HERC1: variants seen among roughly 807,000 people sequenced by gnomAD.
HERC1 encodes the protein probable E3 ubiquitin-protein ligase HERC1.
HERC1 carries 160 observed loss-of-function variants against 554.3 expected under a neutral mutation model. That is an observed-to-expected ratio of 0.29 (90% CI 0.25 to 0.33). The LOEUF is 0.33. Ranked by LOEUF, HERC1 falls within the 10% of genes least tolerant of loss-of-function variation. The probability of loss-of-function intolerance (pLI) is 1.00; values close to 1 mark genes in which losing one functional copy is unlikely to be tolerated. For synonymous variants in HERC1, 2,175 were observed against 2,131.7 expected, an observed-to-expected ratio of 1.02 and a Z score of -0.56; for missense variants, 4,919 against 5,918.5, an observed-to-expected ratio of 0.83 and a Z score of 5.54.
At chr15:63,828,937 A>G (rs2078032748) in intron 1 of HERC1, among the ~76,000 whole-genome samples, 1 of 152,226 alleles carries the variant, frequency 6.6e-6, no homozygotes, top group African/African-American at 2.4e-5. Context: ...ATTTTTCACT[A>G]GGGTACAGGT....
chr15:63,612,567 G>A lies in HERC1; in HGVS notation c.14095-11C>T, dbSNP rs2067645821. The A allele has an allele frequency of 5.0e-6, 8 of 1,608,842 alleles. No individual in the cohort carries two copies. Among genetic ancestry groups the A allele is most frequent in the Admixed American group, 3.3e-5 (2 of 59,832 alleles). ...TCGGACTGCAGCCACCTGCTCCCGG[G>A]AGAGGTTGCTCATTCAATGAGTGTG... On this transcript the variant is annotated splice_polypyrimidine_tract_variant and intron_variant, in intron 76 of 77. Transcript: ENST00000443617. This position sits in a 1 kb window ranked among gnomAD's most constrained non-coding sequence, Gnocchi z 5.0.
chr15:63,692,311 A>G lies in HERC1; in HGVS notation c.5830+100T>C. ...GAAAATAAGAAAGAAAAGCCTTCAA[A>G]TCAAGGTTACACATGGAGTGTTGCT... On this transcript the variant is annotated intron_variant, in intron 31 of 77. Coordinates refer to ENST00000443617, the MANE Select transcript of HERC1 (RefSeq NM_003922.4). The surrounding 1 kb of genome is among the most constrained non-coding windows in gnomAD (Gnocchi z 4.7). 1 of 872,810 alleles carries G rather than the reference A, an allele frequency of 1.1e-6. No individual in the cohort carries two copies. Among genetic ancestry groups the G allele is most frequent in the Non-Finnish European group, 1.7e-6 (1 of 601,146 alleles). The allele number at this position is 872,810 out of a possible 1,614,324, so 54.1% of individuals were successfully genotyped here.
rs202195874 is a variant in HERC1, at chr15:63,655,772, T to C, written c.10054A>G (p.Asn3352Asp). 307 of 1,565,902 alleles carry C rather than the reference T, an allele frequency of 2.0e-4. No individual in the cohort carries two copies. Among genetic ancestry groups the C allele is most frequent in the Middle Eastern group, 6.6e-4 (4 of 6,024 alleles). Residue 3352 changes from asparagine to aspartate, a missense_variant, in exon 50 of 78, where the codon AAC becomes GAC. Asn to Asp is a conservative substitution (Grantham distance 23, BLOSUM62 1). Coordinates refer to ENST00000443617, the MANE Select transcript of HERC1 (RefSeq NM_003922.4). The stretch of plus-strand genomic sequence containing the variant: ...TTTTCAACTTCTGACTTATCATAGT[T>C]AGGTCTTAGTTTGGCCCCTTTGTCT... ...LADKGAKLRP[N>D]YDKSEVEKKG...
intron 40 of HERC1, 119 bp from the exon 41 acceptor site, chr15:63,666,591 CAGA>C: frequency 1.6e-6 from 1 of 644,956 alleles, no homozygotes; most frequent in Non-Finnish European, 2.7e-6. Context: ...TTCCTCTACT[CAGA>C]ATATGTGGCT....
At chr15:63,642,450 G>A (rs1436101632) in intron 59 of HERC1, among the ~76,000 whole-genome samples, 2 of 152,042 alleles carry the variant, frequency 1.3e-5, no homozygotes, top group East Asian at 3.9e-4. Context: ...CAATTCTCCC[G>A]CCTCAGCCTT....
chr15:63,764,332 A>C (rs1385426213), intron 2 of HERC1, 141 bp from the exon 3 acceptor site: 1 of 607,800 alleles, frequency 1.6e-6, no homozygotes, highest in Non-Finnish European at 2.9e-6. Flanking sequence ...TCCTAACATT[A>C]GGTCATGAAA....
chr15:63,802,469 G>A (rs1291459343), intron 1 of HERC1, among the ~76,000 whole-genome samples: 3 of 152,050 alleles, frequency 2.0e-5, no homozygotes, highest in African/African-American at 4.8e-5. Flanking sequence ...AAACTAATGG[G>A]TTTTCACTTG....
At chr15:63,663,596 A>G (rs1302872824) in intron 43 of HERC1, among the ~76,000 whole-genome samples, 1 of 152,204 alleles carries the variant, frequency 6.6e-6, no homozygotes, top group Non-Finnish European at 1.5e-5. Context: ...CTAGGACTAC[A>G]GGCACATGCC....
intron 12 of HERC1, among the ~76,000 whole-genome samples, chr15:63,737,628 C>T (rs966214438): frequency 1.4e-5 from 2 of 147,916 alleles, no homozygotes; most frequent in African/African-American, 5.0e-5. Context: ...GGTCCGCCCG[C>T]CTCGGCCTCC....
intron 12 of HERC1, among the ~76,000 whole-genome samples, chr15:63,736,057 C>T (rs2074490302): frequency 6.6e-6 from 1 of 152,100 alleles, no homozygotes; most frequent in Non-Finnish European, 1.5e-5. Flanking sequence ...AGACCCCCCT[C>T]CCCAGAATGG....
At chr15:63,739,631 G>T (rs1188666750) in intron 12 of HERC1, among the ~76,000 whole-genome samples, 5 of 151,842 alleles carry the variant, frequency 3.3e-5, no homozygotes, top group Non-Finnish European at 7.4e-5. Context: ...CTGAGGTAAG[G>T]AGTTCAAGAC....
chr15:63,798,630 T>G (rs1326698405), intron 1 of HERC1, among the ~76,000 whole-genome samples: 1 of 152,196 alleles, frequency 6.6e-6, no homozygotes, highest in East Asian at 1.9e-4. Context: ...ACCTCTCACT[T>G]TGACCTACAA....
chr15:63,723,112 A>G, intron 19 of HERC1, 70 bp downstream of exon 19: 1 of 955,606 alleles, frequency 1.0e-6, no homozygotes, highest in Non-Finnish European at 1.4e-6. Context: ...TCACTTACAT[A>G]TATTGCATAT....
At chr15:63,705,328 C>CT (rs916718518) in intron 25 of HERC1, among the ~76,000 whole-genome samples, 1 of 149,864 alleles carries the variant, frequency 6.7e-6, no homozygotes, top group African/African-American at 2.5e-5. Flanking sequence ...TTTTTTTTTT[C>CT]TTTTTGGCAG....
intron 57 of HERC1, among the ~76,000 whole-genome samples, chr15:63,644,094 C>T (rs746590315): frequency 2.0e-5 from 3 of 152,188 alleles, no homozygotes; most frequent in Admixed American, 6.5e-5. Flanking sequence ...CTCCCACCTC[C>T]ACTGCTGTGA....
chr15:63,757,493 A>T (rs2142081097), intron 4 of HERC1, among the ~76,000 whole-genome samples: 1 of 152,100 alleles, frequency 6.6e-6, no homozygotes, highest in South Asian at 2.1e-4. Context: ...TCTCGAACTC[A>T]TGATCTCAAA....
At chr15:63,703,040 G>A (rs1305512989) in intron 25 of HERC1, among the ~76,000 whole-genome samples, 3 of 150,748 alleles carry the variant, frequency 2.0e-5, no homozygotes, top group African/African-American at 7.3e-5. Flanking sequence ...GACCCGTGAG[G>A]AGGAGGTTGC....
intron 76 of HERC1, among the ~76,000 whole-genome samples, chr15:63,615,502 G>T (rs922128220): frequency 6.6e-6 from 1 of 152,148 alleles, no homozygotes; most frequent in East Asian, 1.9e-4. Flanking sequence ...CCCAGCTACT[G>T]GGGAGGCTGA....
chr15:63,645,152 AT>A, intron 56 of HERC1, 55 bp from the exon 57 acceptor site: 1 of 1,255,010 alleles, frequency 8.0e-7, no homozygotes, highest in Non-Finnish European at 1.2e-6. Flanking sequence ...TTAAGTAAAA[AT>A]ATTTCCGAAT....
Sources: allele counts gnomAD v4.1 joint callset (sites outside exome capture counted in the v4.1 genomes callset), GRCh38; gene constraint gnomAD v4.1.1; non-coding constraint Gnocchi (gnomAD v3.1); transcripts MANE v1.5; gene names NCBI Gene and HGNC (gene_info 2026-07-23, HGNC 2026-07-21).